COLQ: variants seen among roughly 807,000 people sequenced by gnomAD.
COLQ encodes the protein collagen like tail subunit of asymmetric acetylcholinesterase.
In COLQ, 48 loss-of-function variants were observed where a neutral mutation model predicts 69.0. The ratio of observed to expected loss-of-function variants is 0.70; its 90% CI spans 0.55 to 0.88. COLQ has a LOEUF of 0.88. COLQ is among the 40% of genes least tolerant of loss of function. The pLI, the probability that COLQ is intolerant of heterozygous loss-of-function variation, is 0.00. For missense variants in COLQ, 618 were observed against 594.6 expected (o/e 1.04, Z -0.41); for synonymous variants, 217 against 211.2 (o/e 1.03, Z -0.24).
rs2305612 is a variant in COLQ, at chr3:15,477,224, G to C, written c.394-27C>G. On this transcript the variant is annotated intron_variant, in intron 5 of 16. Coordinates refer to ENST00000383788, the MANE Select transcript of COLQ (RefSeq NM_005677.4). Reference sequence around the variant, plus strand: ...TTCAAAGACCAAGAACAAAAGTCAGGGCAACTGGGTTTGTTTCTTTACTTC... The same window carrying C: ...TTCAAAGACCAAGAACAAAAGTCAGCGCAACTGGGTTTGTTTCTTTACTTC... The C allele has an allele frequency of 0.4, 633,458 of 1,585,112 alleles. 127,762 individuals are homozygous for C. Among genetic ancestry groups the C allele is most frequent in the East Asian group, 0.5 (22,215 of 44,062 alleles).
At chr3:15,477,026 A>G (rs2125119324) in intron 6 of COLQ, 100 bp downstream of exon 6, 1 of 1,162,392 alleles carries the variant, frequency 8.6e-7, no homozygotes, top group Non-Finnish European at 1.3e-6. Flanking sequence ...CCCCTCTTGA[A>G]GAAGGGATTC....
chr3:15,455,760 T>A, intron 15 of COLQ, 139 bp downstream of exon 15: 1 of 1,059,596 alleles, frequency 9.4e-7, no homozygotes, highest in Non-Finnish European at 1.4e-6. Context: ...CTGGGGTGGG[T>A]GGCACAAGGT....
chr3:15,474,372 T>A, intron 8 of COLQ, 100 bp from the exon 9 acceptor site: 1 of 1,234,528 alleles, frequency 8.1e-7, no homozygotes, highest in South Asian at 1.2e-5. Flanking sequence ...ACCCTCATTT[T>A]ACAAGTGAAG....
chr3:15,519,913 C>T (rs902078060), intron 1 of COLQ, among the ~76,000 whole-genome samples: 25 of 152,170 alleles, frequency 1.6e-4, no homozygotes, highest in Non-Finnish European at 2.8e-4. Context: ...TTATTGATTA[C>T]TATGTGCCAG....
chr3:15,484,752 G>GTT (rs1296624830), intron 3 of COLQ, among the ~76,000 whole-genome samples: 4 of 152,016 alleles, frequency 2.6e-5, no homozygotes, highest in African/African-American at 9.7e-5. Context: ...CTCGTGCTGT[G>GTT]GTTTTCAGCT....
chr3:15,474,937 G>C lies in COLQ; in HGVS notation c.543C>G (p.Ser181=). 6.8e-6 allele frequency: 11 copies of C among 1,614,104 alleles called. No homozygotes were observed. The highest frequency in any genetic ancestry group is 9.3e-6 in the Non-Finnish European group (11 of 1,179,988). ...GPMGSKGYPG[S]RGEKGSRGEK... ...GAAAAGCACTAACCTTTTCCCCTCT[G>C]GATCCAGGGTAGCCCTAAAAGAAAG... The change falls in exon 8 of 17, where the codon TCC becomes TCG. Residue 181 remains serine (S), a synonymous_variant. Transcript: ENST00000383788.
At chr3:15,470,167 T>A (rs1446919782) in intron 11 of COLQ, among the ~76,000 whole-genome samples, 1 of 152,238 alleles carries the variant, frequency 6.6e-6, no homozygotes, top group Non-Finnish European at 1.5e-5. Flanking sequence ...TAGGCTCATT[T>A]TTAAAACTTC....
At position 15,470,598 on chromosome 3, in the gene COLQ, C is replaced by T. The variant is rs2125109848; in HGVS notation, c.655G>A (p.Gly219Ser). ...LGQKGEMGPKGEPGIAGHRGP... is the reference protein window; with the variant it reads ...LGQKGEMGPKSEPGIAGHRGP... Reference sequence around the variant, plus strand: ...CGGTGTCCTGCTATCCCAGGTTCACCTTTTGGACCCATTTCACCCTGGAAA... The same window carrying T: ...CGGTGTCCTGCTATCCCAGGTTCACTTTTTGGACCCATTTCACCCTGGAAA... Residue 219 changes from glycine (G) to serine (S), a missense_variant, in exon 11 of 17, where the codon GGT (glycine) becomes AGT (serine). Physicochemically the swap from Gly to Ser is moderately conservative, Grantham distance 56. Coordinates refer to ENST00000383788, the MANE Select transcript of COLQ (RefSeq NM_005677.4). The T allele has an allele frequency of 6.2e-7, 1 of 1,614,100 alleles. No individual in the cohort carries two copies. Among genetic ancestry groups the T allele is most frequent in the Non-Finnish European group, 8.5e-7 (1 of 1,180,010 alleles).
At position 15,456,457 on chromosome 3, in the gene COLQ, T is replaced by C. The variant is rs1231406321; in HGVS notation, c.1074+3A>G. On this transcript the variant is annotated splice_donor_region_variant and intron_variant, in intron 14 of 16. Coordinates refer to ENST00000383788, the MANE Select transcript of COLQ (RefSeq NM_005677.4). ...ATGTCCTGAGGTAATGGCCTGGGGG[T>C]ACCTGGATGGGGAGCCAGCCAAGGC... 1 of 1,613,838 alleles carries C rather than the reference T, an allele frequency of 6.2e-7. No individual in the cohort carries two copies. Among genetic ancestry groups the C allele is most frequent in the Non-Finnish European group, 8.5e-7 (1 of 1,179,994 alleles).
intron 16 of COLQ, 42 bp downstream of exon 16, chr3:15,453,787 G>T: frequency 7.8e-7 from 1 of 1,274,138 alleles, no homozygotes; most frequent in Non-Finnish European, 1.1e-6. Flanking sequence ...GAGGAGGGAG[G>T]GAGAAAGAAG....
At position 15,473,777 on chromosome 3, in the gene COLQ, G is replaced by A. The variant is rs1442353586; in HGVS notation, c.636+223C>T. Among the ~76,000 whole-genome samples, 1 of 152,124 alleles carries A rather than the reference G, an allele frequency of 6.6e-6. No homozygotes were observed. Among genetic ancestry groups the A allele is most frequent in the Admixed American group, 6.5e-5 (1 of 15,280 alleles). ...ACAAACAAAAACCCAAAACCCAGATGGGTTGTCCTTTCCTTCCCATTGAGC... is the reference window on the plus strand; with the variant it reads ...ACAAACAAAAACCCAAAACCCAGATAGGTTGTCCTTTCCTTCCCATTGAGC... On this transcript the variant is annotated intron_variant, in intron 10 of 16. Coordinates refer to ENST00000383788, the MANE Select transcript of COLQ (RefSeq NM_005677.4). This position sits in a 1 kb window ranked among gnomAD's most constrained non-coding sequence, Gnocchi z 4.0.
intron 13 of COLQ, among the ~76,000 whole-genome samples, chr3:15,457,573 T>C (rs1245708215): frequency 1.3e-5 from 2 of 152,190 alleles, no homozygotes; most frequent in African/African-American, 2.4e-5. Context: ...AAATGTTATT[T>C]ATAGAGTGTG....
Position 15,459,886 on chromosome 3 carries a change from A to G in COLQ, c.815-1561T>C, listed in dbSNP as rs181047136. On this transcript the variant is annotated intron_variant, in intron 12 of 16. Transcript: ENST00000383788. ...ATGTATACATGTGCTAGGCATCCATATTTTTAAAAGCTCTCAAGATGATTC... is the reference window on the plus strand; with the variant it reads ...ATGTATACATGTGCTAGGCATCCATGTTTTTAAAAGCTCTCAAGATGATTC... Among the ~76,000 whole-genome samples the G allele has an allele frequency of 5.8e-4, 88 of 152,072 alleles. 1 individual carries two copies. Among genetic ancestry groups the G allele is most frequent in the Middle Eastern group, 3.4e-3 (1 of 294 alleles).
intron 2 of COLQ, 137 bp downstream of exon 2, chr3:15,489,388 G>A (rs2062625980): frequency 1.3e-6 from 1 of 783,310 alleles, no homozygotes; most frequent in Admixed American, 2.0e-5. Flanking sequence ...TCAACTTCTG[G>A]GTGACAGTGG....
At chr3:15,493,877 A>T (rs1326924503) in intron 1 of COLQ, among the ~76,000 whole-genome samples, 1 of 152,242 alleles carries the variant, frequency 6.6e-6, no homozygotes, top group Non-Finnish European at 1.5e-5. Flanking sequence ...TGAGGTCAGG[A>T]GTTCAAGACC....
intron 1 of COLQ, among the ~76,000 whole-genome samples, chr3:15,520,707 AACCG>A (rs2125195878): frequency 6.6e-6 from 1 of 152,306 alleles, no homozygotes; most frequent in Admixed American, 6.5e-5. Flanking sequence ...CCATACTAGT[AACCG>A]AATACTTCCC....
At chr3:15,493,666 C>T (rs546902042) in intron 1 of COLQ, among the ~76,000 whole-genome samples, 1 of 152,350 alleles carries the variant, frequency 6.6e-6, no homozygotes, top group Admixed American at 6.5e-5. Context: ...GGCAGCTAAG[C>T]AGAGCCTGCC....
Position 15,458,189 on chromosome 3 carries a change from A to G in COLQ, c.951T>C (p.Pro317=). Reference sequence around the variant, plus strand: ...GACTTCTCCCAGAAAGCCTTACCACAGGAACTCGCGGGGAACTGGGCCCAT... The same window carrying G: ...GACTTCTCCCAGAAAGCCTTACCACGGGAACTCGCGGGGAACTGGGCCCAT... ...SVYGPSSPRV[P]VIFVVNNQEE... is the part of the protein sequence containing the mutation. The change falls in exon 13 of 17, where the codon CCT becomes CCC. Residue 317 remains proline, a synonymous_variant. Transcript: ENST00000383788. The G allele has an allele frequency of 6.2e-7, 1 of 1,613,600 alleles. No individual in the cohort carries two copies.
intron 1 of COLQ, chr3:15,507,037 G>A (rs1192077557): frequency 6.6e-6 from 1 of 152,186 alleles, no homozygotes; most frequent in Non-Finnish European, 1.5e-5. Flanking sequence ...CTGGCCTCAA[G>A]TGATCCTCCC....
Sources: allele counts gnomAD v4.1 joint callset (sites outside exome capture counted in the v4.1 genomes callset), GRCh38; gene constraint gnomAD v4.1.1; non-coding constraint Gnocchi (gnomAD v3.1); transcripts MANE v1.5; gene names NCBI Gene and HGNC (gene_info 2026-07-23, HGNC 2026-07-21).